DNAH9: variants seen among roughly 807,000 people sequenced by gnomAD.
DNAH9 encodes the protein dynein axonemal heavy chain 9, also known as DNAH9 variant protein.
Under a neutral mutation model 471.6 loss-of-function variants are expected in DNAH9, and 345 were observed. That is an observed-to-expected ratio of 0.73 (90% CI 0.67 to 0.80). The LOEUF is 0.80. Among genes scored for constraint, DNAH9 ranks in the 30% least tolerant of loss-of-function variants. DNAH9 has a pLI of 0.00. For synonymous variants in DNAH9, 2,093 were observed against 2,123.6 expected, an observed-to-expected ratio of 0.99 and a Z score of 0.40; for missense variants, 5,407 against 5,609.2, an observed-to-expected ratio of 0.96 and a Z score of 1.15.
At chr17:11,735,274 C>T (rs951973622) in intron 28 of DNAH9, among the ~76,000 whole-genome samples, 5 of 152,124 alleles carry the variant, frequency 3.3e-5, no homozygotes, top group African/African-American at 1.2e-4. Flanking sequence ...GGCCTCTACC[C>T]ACTGAATGCC....
At chr17:11,888,194 C>A (rs563528221) in intron 57 of DNAH9, among the ~76,000 whole-genome samples, 1 of 151,868 alleles carries the variant, frequency 6.6e-6, no homozygotes, top group Non-Finnish European at 1.5e-5. Context: ...CTGTGTTAGC[C>A]AGGATGGTCT....
chr17:11,663,629 A>T (rs1231049727), intron 14 of DNAH9, among the ~76,000 whole-genome samples: 1 of 152,224 alleles, frequency 6.6e-6, no homozygotes, highest in Non-Finnish European at 1.5e-5. Flanking sequence ...TTCCTACTTC[A>T]TAGAAAATTC....
At position 11,608,153 on chromosome 17, in the gene DNAH9, G is replaced by T; in HGVS notation, c.442G>T (p.Glu148Ter). ...GGTTGTTCTACCCGTCCTGGCCAAT[G>T]AGAAGAATCGCCTAAACTGGCCCCA... ...SEVVLPVLAN[E>*]KNRLNWPHMI... is the part of the protein sequence containing the mutation. Residue 148 changes from glutamate (E) to a stop codon, truncating the protein, a stop_gained, in exon 2 of 69, where the codon GAG (glutamate) becomes TAG (stop). Transcript: ENST00000262442. LOFTEE classifies it high-confidence loss of function. 1 of 1,609,008 alleles carries T rather than the reference G, an allele frequency of 6.2e-7. No individual in the cohort carries two copies. Among genetic ancestry groups the T allele is most frequent in the Non-Finnish European group, 8.5e-7 (1 of 1,175,888 alleles).
chr17:11,698,199 T>C (rs1321565499), intron 22 of DNAH9, among the ~76,000 whole-genome samples: 1 of 120,188 alleles, frequency 8.3e-6, no homozygotes, highest in Non-Finnish European at 1.6e-5. Context: ...AATATAATAA[T>C]ATATTAATAA....
At chr17:11,924,476 A>C (rs1328949850) in intron 62 of DNAH9, among the ~76,000 whole-genome samples, 1 of 152,002 alleles carries the variant, frequency 6.6e-6, no homozygotes, top group Admixed American at 6.6e-5. Context: ...AAAAAAGGCT[A>C]CCTCTCTTCT....
In DNAH9 at chr17:11,699,687, C is replaced by T. The variant is rs372120492; in HGVS notation, c.4873-44C>T. On this transcript the variant is annotated intron_variant, in intron 22 of 68. Coordinates refer to ENST00000262442, the MANE Select transcript of DNAH9 (RefSeq NM_001372.4). ...TCTAAACAATTCTAATAAGCAGCTT[C>T]CCGAACATGTTTTATGATCCATTGG... The T allele has an allele frequency of 4.4e-6, 7 of 1,589,408 alleles. No homozygotes were observed. In the African/African-American group the frequency reaches 5.4e-5, roughly 12 times the overall value.
chr17:11,849,258 C>A (rs1392091758), intron 49 of DNAH9, among the ~76,000 whole-genome samples: 1 of 152,180 alleles, frequency 6.6e-6, no homozygotes, highest in African/African-American at 2.4e-5. Context: ...AGTTCCCTGC[C>A]TAGATGGCTA....
At chr17:11,699,665 A>G in intron 22 of DNAH9, 66 bp from the exon 23 acceptor site, 2 of 1,481,228 alleles carry the variant, frequency 1.4e-6, no homozygotes, top group Non-Finnish European at 1.9e-6. Context: ...GTAGGCCTCT[A>G]AACAATTCTA....
chr17:11,619,059 G>A (rs150221531), intron 5 of DNAH9, among the ~76,000 whole-genome samples: 82 of 152,318 alleles, frequency 5.4e-4, no homozygotes, highest in Non-Finnish European at 6.5e-4. Context: ...CTTCAGCCCC[G>A]ACTTGCAATG....
At chr17:11,838,171 A>T (rs1307243518) in intron 49 of DNAH9, among the ~76,000 whole-genome samples, 1 of 152,212 alleles carries the variant, frequency 6.6e-6, no homozygotes, top group Non-Finnish European at 1.5e-5. Flanking sequence ...AAATATTCAC[A>T]TTCTACGGTA....
At chr17:11,898,945 G>T (rs967645685) in intron 59 of DNAH9, among the ~76,000 whole-genome samples, 2 of 152,110 alleles carry the variant, frequency 1.3e-5, no homozygotes, top group Non-Finnish European at 2.9e-5. Context: ...AGCTCATCTG[G>T]CTGTTCAAAG....
intron 36 of DNAH9, among the ~76,000 whole-genome samples, chr17:11,767,610 C>T (rs9903317): frequency 0.29 from 44,639 of 151,482 alleles, 10,586 homozygotes; most frequent in African/African-American, 0.66. Context: ...TTTTTTTTTC[C>T]TTTAGGATTT....
chr17:11,871,292 T>C (rs1157291472), intron 51 of DNAH9, among the ~76,000 whole-genome samples: 1 of 152,232 alleles, frequency 6.6e-6, no homozygotes, highest in African/African-American at 2.4e-5. Flanking sequence ...TAAACATACA[T>C]GATTATATTT....
chr17:11,754,958 T>C (rs1252454690), intron 33 of DNAH9, among the ~76,000 whole-genome samples: 2 of 152,232 alleles, frequency 1.3e-5, no homozygotes, highest in South Asian at 2.1e-4. Flanking sequence ...TTTATAGTTT[T>C]GGATTTTACA....
At position 11,889,063 on chromosome 17, in the gene DNAH9, T is replaced by C. The variant is rs534859136; in HGVS notation, c.11112+2098T>C. ...TTAAGTGGCAGTAAAGTAATTTTTC[T>C]TCAAGATTTAGCCAAAGGCAAGGCA... On this transcript the variant is annotated intron_variant, in intron 57 of 68. Transcript: ENST00000262442. Among the ~76,000 whole-genome samples the C allele has an allele frequency of 7.7e-3, 1,180 of 152,344 alleles. 16 individuals are homozygous for C. Among genetic ancestry groups the C allele is most frequent in the African/African-American group, 0.027 (1,108 of 41,562 alleles).
At chr17:11,635,333 ATTTT>A (rs746022574) in intron 8 of DNAH9, among the ~76,000 whole-genome samples, 20 of 94,664 alleles carry the variant, frequency 2.1e-4, no homozygotes, top group African/African-American at 2.7e-4. Context: ...TGACTCGCTA[ATTTT>A]TTTTTTTTTT....
At chr17:11,627,968 T>A (rs1368777761) in intron 6 of DNAH9, among the ~76,000 whole-genome samples, 1 of 152,110 alleles carries the variant, frequency 6.6e-6, no homozygotes. Context: ...GCAGCAGCCA[T>A]GGGCAGTGAG....
chr17:11,681,740 AG>A (rs1197286684), intron 19 of DNAH9, among the ~76,000 whole-genome samples: 1 of 152,318 alleles, frequency 6.6e-6, no homozygotes, highest in East Asian at 1.9e-4. Flanking sequence ...TTATTTTCAA[AG>A]GTTATTTGCC....
At chr17:11,725,888 TAA>T in intron 27 of DNAH9, among the ~76,000 whole-genome samples, 1 of 151,998 alleles carries the variant, frequency 6.6e-6, no homozygotes, top group African/African-American at 2.4e-5. Context: ...CAAAAAAAAT[TAA>T]AGTCTGCCCT....
Sources: allele counts gnomAD v4.1 joint callset (sites outside exome capture counted in the v4.1 genomes callset), GRCh38; gene constraint gnomAD v4.1.1; transcripts MANE v1.5; gene names NCBI Gene and HGNC (gene_info 2026-07-23, HGNC 2026-07-21).